Variants in PPFIA2 observed in about 807,000 individuals in gnomAD.
PPFIA2 encodes PPFI scaffold protein A2.
Under a neutral mutation model 175.5 loss-of-function variants are expected in PPFIA2, and 46 were observed. The observed-to-expected ratio is 0.26, with a 90% confidence interval of 0.21 to 0.34. PPFIA2 has a LOEUF of 0.34. Ranked by LOEUF, PPFIA2 falls within the 10% of genes least tolerant of loss-of-function variation. PPFIA2 has a pLI of 1.00. For synonymous variants in PPFIA2, 568 were observed against 511.4 expected (o/e 1.11, Z -1.49); for missense variants, 1,179 against 1,506.1 (o/e 0.78, Z 3.60).
At position 81,326,008 on chromosome 12, in the gene PPFIA2, G is replaced by A. The variant is rs2054683778; in HGVS notation, c.2549-138C>T. 6 of 586,288 alleles carry A rather than the reference G, an allele frequency of 1.0e-5. No individual in the cohort carries two copies. In the Admixed American group the frequency reaches 1.4e-4, roughly 13 times the overall value. The allele number at this position is 586,288 out of a possible 1,614,324, so 36.3% of individuals were successfully genotyped here. A position where few individuals can be genotyped will look rare whatever the true frequency, so the allele number is the denominator to read the frequency against. On this transcript the variant is annotated intron_variant, in intron 21 of 32. Transcript: ENST00000549396. The stretch of plus-strand genomic sequence containing the variant: ...TTTCCTTATATTACTAACCCAAGAT[G>A]CATAAAATGGCATGGGTACATACAT...
chr12:81,646,743 CA>C (rs2066141698), intron 4 of PPFIA2, among the ~76,000 whole-genome samples: 1 of 152,118 alleles, frequency 6.6e-6, no homozygotes, highest in Non-Finnish European at 1.5e-5. Context: ...TCTGCTAACT[CA>C]AACTCCAAGT....
chr12:81,395,131 T>C (rs575602069), intron 8 of PPFIA2, among the ~76,000 whole-genome samples: 1 of 152,142 alleles, frequency 6.6e-6, no homozygotes, highest in African/African-American at 2.4e-5. Flanking sequence ...TTTGCAAGTT[T>C]GCTGTAATCC....
chr12:81,347,867 A>G (rs1372033430), intron 17 of PPFIA2, 97 bp from the exon 18 acceptor site: 2 of 1,472,310 alleles, frequency 1.4e-6, no homozygotes, highest in Non-Finnish European at 1.8e-6. Context: ...ATAAATCAGT[A>G]GAAACTATTC....
At chr12:81,418,129 C>G (rs1466333918) in intron 7 of PPFIA2, among the ~76,000 whole-genome samples, 1 of 151,686 alleles carries the variant, frequency 6.6e-6, no homozygotes, top group Non-Finnish European at 1.5e-5. Flanking sequence ...AAGGAAATTG[C>G]CTATGGTTAC....
chr12:81,588,721 T>C (rs931418498), intron 4 of PPFIA2, among the ~76,000 whole-genome samples: 8 of 152,140 alleles, frequency 5.3e-5, no homozygotes, highest in African/African-American at 1.4e-4. Flanking sequence ...CTATTAAATA[T>C]GTTTTACTTT....
chr12:81,674,041 T>C (rs1291971679), intron 4 of PPFIA2, among the ~76,000 whole-genome samples: 1 of 152,052 alleles, frequency 6.6e-6, no homozygotes, highest in Non-Finnish European at 1.5e-5. Flanking sequence ...CATTTGCAAA[T>C]TTGACACAAC....
chr12:81,359,187 C>T (rs2061280308), intron 15 of PPFIA2, among the ~76,000 whole-genome samples: 1 of 151,956 alleles, frequency 6.6e-6, no homozygotes. Flanking sequence ...TGCTGATTGA[C>T]TATACTCTCT....
At chr12:81,756,205 G>A (rs1406856846) in intron 2 of PPFIA2, among the ~76,000 whole-genome samples, 1 of 152,094 alleles carries the variant, frequency 6.6e-6, no homozygotes, top group African/African-American at 2.4e-5. Context: ...GCAAATCATA[G>A]CATCATGACA....
At chr12:81,455,217 G>T (rs1188074164) in intron 5 of PPFIA2, among the ~76,000 whole-genome samples, 1 of 152,144 alleles carries the variant, frequency 6.6e-6, no homozygotes, top group African/African-American at 2.4e-5. Context: ...TAAGGCATCT[G>T]GTGTGAAGAG....
chr12:81,350,326 A>G (rs1595342814), intron 17 of PPFIA2: 1 of 152,320 alleles, frequency 6.6e-6, no homozygotes, highest in East Asian at 1.9e-4. Flanking sequence ...TCTAAATATC[A>G]AGCGAAGTGC....
chr12:81,489,749 T>A (rs1300036615), intron 4 of PPFIA2, among the ~76,000 whole-genome samples: 1 of 151,920 alleles, frequency 6.6e-6, no homozygotes, highest in Non-Finnish European at 1.5e-5. Context: ...GTGAAAGTAT[T>A]GTATTTGTTA....
chr12:81,677,238 A>G (rs1355837788), intron 3 of PPFIA2, among the ~76,000 whole-genome samples: 1 of 151,968 alleles, frequency 6.6e-6, no homozygotes, highest in Non-Finnish European at 1.5e-5. Context: ...ATGAATACAT[A>G]ATAGTTGTAC....
chr12:81,264,168 C>A (rs1340437588), intron 30 of PPFIA2, among the ~76,000 whole-genome samples: 21 of 152,102 alleles, frequency 1.4e-4, no homozygotes, highest in Admixed American at 1.4e-3. Context: ...AACATCATAC[C>A]CCACATAGGC....
intron 4 of PPFIA2, among the ~76,000 whole-genome samples, chr12:81,518,349 T>G (rs2062711823): frequency 6.6e-6 from 1 of 152,140 alleles, no homozygotes; most frequent in South Asian, 2.1e-4. Context: ...ATCTCAACCT[T>G]AAACATCTCA....
In PPFIA2 at chr12:81,598,947, CAT is replaced by C. The variant is rs542687428; in HGVS notation, c.303+77842_303+77843del. 3.1e-3 allele frequency among the ~76,000 whole-genome samples: 469 copies of C among 152,038 alleles called. 1 individual carries two copies. The highest frequency in any genetic ancestry group is 5.0e-3 in the Non-Finnish European group (337 of 67,914). ...AATAATCACAACCTTATTTCATATA[CAT>C]ATATACACACAAGAATTAATAAAAA... On this transcript the variant is annotated intron_variant, in intron 4 of 32. Transcript: ENST00000549396.
intron 3 of PPFIA2, among the ~76,000 whole-genome samples, chr12:81,707,552 G>T (rs1220510010): frequency 6.7e-6 from 1 of 149,754 alleles, no homozygotes; most frequent in African/African-American, 2.4e-5. Flanking sequence ...GGAGAAATAG[G>T]AACACTTTTA....
At chr12:81,682,606 A>C (rs1567848095) in intron 3 of PPFIA2, among the ~76,000 whole-genome samples, 1 of 152,102 alleles carries the variant, frequency 6.6e-6, no homozygotes, top group Non-Finnish European at 1.5e-5. Context: ...TTATATTTAA[A>C]ATTATTTCAA....
intron 8 of PPFIA2, among the ~76,000 whole-genome samples, chr12:81,386,632 T>A (rs1222461119): frequency 6.6e-6 from 1 of 151,650 alleles, no homozygotes; most frequent in Non-Finnish European, 1.5e-5. Context: ...ATAGTAATAA[T>A]GATAATAATA....
chr12:81,407,291 C>G (rs906368146), intron 7 of PPFIA2, among the ~76,000 whole-genome samples: 6 of 151,914 alleles, frequency 3.9e-5, no homozygotes, highest in Admixed American at 2.0e-4. Context: ...TCATGACCAC[C>G]CTGGCCAACT....
Sources: allele counts gnomAD v4.1 joint callset (sites outside exome capture counted in the v4.1 genomes callset), GRCh38; gene constraint gnomAD v4.1.1; transcripts MANE v1.5; gene names NCBI Gene and HGNC (gene_info 2026-07-23, HGNC 2026-07-21).